PRKCG: variants seen among roughly 807,000 people sequenced by gnomAD.
PRKCG encodes protein kinase C gamma, also known as protein kinase C gamma type.
A neutral mutation model predicts 82.0 loss-of-function variants in PRKCG; 28 were observed. That is an observed-to-expected ratio of 0.34 (90% CI 0.25 to 0.47). PRKCG has a LOEUF of 0.47. PRKCG is among the 20% of genes least tolerant of loss of function. The pLI is 1.00. For synonymous variants in PRKCG, 383 were observed against 376.6 expected, an observed-to-expected ratio of 1.02 and a Z score of -0.20; for missense variants, 640 against 952.7, an observed-to-expected ratio of 0.67 and a Z score of 4.32.
At chr19:53,904,770 C>T in intron 16 of PRKCG, 28 bp downstream of exon 16, 6 of 1,570,898 alleles carry the variant, frequency 3.8e-6, no homozygotes, top group Non-Finnish European at 5.2e-6. Context: ...CCCAGCTTCT[C>T]CAGGCTCACA....
rs1192949516 is a variant in PRKCG at position 53,882,238 on chromosome 19, G to A, written c.-257G>A. 1 of 534,788 alleles carries A rather than the reference G, an allele frequency of 1.9e-6. No homozygotes were observed. The highest frequency in any genetic ancestry group is 3.0e-5 in the Admixed American group (1 of 32,932). The allele number at this position is 534,788 out of a possible 1,614,324, so 33.1% of individuals were successfully genotyped here. ...CGGAGCTGGAGCTCCCACCGCCGCC[G>A]CCCGTGCCTCCGGCTGCCGGCGCCC... On this transcript the variant is annotated 5_prime_UTR_variant, in exon 1 of 18. Transcript: ENST00000263431. The surrounding 1 kb of genome is among the most constrained non-coding windows in gnomAD (Gnocchi z 6.1).
In PRKCG at chr19:53,892,898, C is replaced by T. The variant is rs1167271598; in HGVS notation, c.822-90C>T. On this transcript the variant is annotated intron_variant, in intron 7 of 17. Coordinates refer to ENST00000263431, the MANE Select transcript of PRKCG (RefSeq NM_002739.5). The surrounding 1 kb of genome is among the most constrained non-coding windows in gnomAD (Gnocchi z 5.9). Reference sequence around the variant, plus strand: ...CTCTTCCATCTCTGTGTCCGTCTCTCTGTGTCTCTTTCCTCCCTTCCAATG... The same window carrying T: ...CTCTTCCATCTCTGTGTCCGTCTCTTTGTGTCTCTTTCCTCCCTTCCAATG... 7.9e-7 allele frequency: 1 copy of T among 1,272,538 alleles called. No homozygotes were observed. The highest frequency in any genetic ancestry group is 1.5e-5 in the African/African-American group (1 of 68,044). 78.8% of individuals were successfully genotyped at this position (1,272,538 alleles called of 1,614,324 possible).
chr19:53,890,104 A>AC, intron 5 of PRKCG, 87 bp downstream of exon 5: 1 of 1,408,298 alleles, frequency 7.1e-7, no homozygotes, highest in Non-Finnish European at 9.7e-7. Flanking sequence ...GCCCAGCCCT[A>AC]CCCCAAAGAT....
chr19:53,901,499 A>C (rs1343904880), intron 14 of PRKCG, among the ~76,000 whole-genome samples: 1 of 133,836 alleles, frequency 7.5e-6, no homozygotes, highest in African/African-American at 2.9e-5. Context: ...AGCTGAGATC[A>C]CACCACTGCA....
chr19:53,890,046 G>A lies in PRKCG; in HGVS notation c.529+29G>A, dbSNP rs73599970. On this transcript the variant is annotated intron_variant, in intron 5 of 17. Coordinates refer to ENST00000263431, the MANE Select transcript of PRKCG (RefSeq NM_002739.5). ...AGGCCCCGCCCCCTCGCCTGGCCCC[G>A]CCCCCTCCCCAAGTGTGAGGCGGGG... 14,870 of 1,536,656 alleles carry A rather than the reference G, an allele frequency of 9.7e-3. 827 individuals carry two copies. The African/African-American group carries it at 0.15, about 16-fold the overall frequency.
At chr19:53,891,522 T>G in intron 5 of PRKCG, 152 bp from the exon 6 acceptor site, 1 of 861,768 alleles carries the variant, frequency 1.2e-6, no homozygotes, top group Non-Finnish European at 1.9e-6. Context: ...GACCTTGTGA[T>G]CCGCCCGCCT....
intron 3 of PRKCG, among the ~76,000 whole-genome samples, chr19:53,888,282 A>G (rs756495464): frequency 4.6e-5 from 7 of 152,182 alleles, no homozygotes; most frequent in Non-Finnish European, 8.8e-5. Flanking sequence ...ACTAACATAG[A>G]TGAAAATCCA....
Position 53,883,088 on chromosome 19 carries a change from G to A in PRKCG, c.171-75G>A. The A allele has an allele frequency of 6.4e-7, 1 of 1,569,762 alleles. No homozygotes were observed. The highest frequency in any genetic ancestry group is 1.7e-5 in the Admixed American group (1 of 59,950). On this transcript the variant is annotated intron_variant, in intron 1 of 17. Coordinates refer to ENST00000263431, the MANE Select transcript of PRKCG (RefSeq NM_002739.5). The surrounding 1 kb of genome is among the most constrained non-coding windows in gnomAD (Gnocchi z 5.4). ...GCGGGAGGAGGGTCAGAGAGCGCAG[G>A]CCCCCTGTGGCTCGCAGAGGTTGGG...
In PRKCG at chr19:53,882,563, G is replaced by C. The variant is rs770173542; in HGVS notation, c.69G>C (p.Gly23=). 6.2e-6 allele frequency: 10 copies of C among 1,613,994 alleles called. No individual in the cohort carries two copies. Among genetic ancestry groups the C allele is most frequent in the Non-Finnish European group, 6.8e-6 (8 of 1,180,012 alleles). ...GGPRPLFCRK[G]ALRQKVVHEV... ...CCCGGCCCCTGTTTTGCAGAAAGGGGGCCCTGAGGCAGAAGGTGGTCCACG... is the reference window on the plus strand; with the variant it reads ...CCCGGCCCCTGTTTTGCAGAAAGGGCGCCCTGAGGCAGAAGGTGGTCCACG... Residue 23 remains glycine (G), a synonymous_variant, in exon 1 of 18, where the codon GGG becomes GGC. Transcript: ENST00000263431. The surrounding 1 kb of genome is among the most constrained non-coding windows in gnomAD (Gnocchi z 6.1).
At chr19:53,897,353 G>A (rs907741981) in intron 9 of PRKCG, among the ~76,000 whole-genome samples, 7 of 152,178 alleles carry the variant, frequency 4.6e-5, no homozygotes, top group Non-Finnish European at 1.0e-4. Context: ...CCTCCCTGGG[G>A]GGCCGAGGCA....
rs916555458 is a variant in PRKCG at position 53,904,554 on chromosome 19, G to A, written c.1657-81G>A. 24 of 1,234,680 alleles carry A rather than the reference G, an allele frequency of 1.9e-5. No individual in the cohort carries two copies. The East Asian group carries it at 2.0e-4, about 10-fold the overall frequency. 76.5% of individuals were successfully genotyped at this position (1,234,680 alleles called of 1,614,324 possible). On this transcript the variant is annotated intron_variant, in intron 15 of 17. Coordinates refer to ENST00000263431, the MANE Select transcript of PRKCG (RefSeq NM_002739.5). ...CGTGTGATGGGTCAGGCATGTTCCC[G>A]GTGGGGTGAGGAGGGTGTGGAAGGT...
At position 53,893,067 on chromosome 19, in the gene PRKCG, A is replaced by T. The variant is rs1282635707; in HGVS notation, c.901A>T (p.Lys301Ter). ...ADADNCSLLQ[K>*]FEACNYPLEL... is the part of the protein sequence containing the mutation. ...TGCTGACAACTGCAGCCTCCTCCAGAAGTTTGAGGTACCCAGACCCTGGCT... is the reference window on the plus strand; with the variant it reads ...TGCTGACAACTGCAGCCTCCTCCAGTAGTTTGAGGTACCCAGACCCTGGCT... The change falls in exon 8 of 18, where the codon AAG becomes TAG. Residue 301 changes from lysine to a stop codon, truncating the protein, a stop_gained. Coordinates refer to ENST00000263431, the MANE Select transcript of PRKCG (RefSeq NM_002739.5). LOFTEE classifies it high-confidence loss of function. The T allele has an allele frequency of 6.2e-7, 1 of 1,613,500 alleles. No homozygotes were observed. The highest frequency in any genetic ancestry group is 1.7e-5 in the Admixed American group (1 of 59,946).
At chr19:53,888,889 T>C (rs2068650770) in intron 3 of PRKCG, among the ~76,000 whole-genome samples, 1 of 152,122 alleles carries the variant, frequency 6.6e-6, no homozygotes, top group East Asian at 1.9e-4. Context: ...GCCTCCTTCA[T>C]GTTCTGCCCA....
At position 53,892,414 on chromosome 19, in the gene PRKCG, T is replaced by A; in HGVS notation, c.687-95T>A. ...GACAAAGCAGGAGAGGAGCCCCAGC[T>A]GGCTGGGTTTGCCCCCACCTCCAGC... On this transcript the variant is annotated intron_variant, in intron 6 of 17. Coordinates refer to ENST00000263431, the MANE Select transcript of PRKCG (RefSeq NM_002739.5). This position sits in a 1 kb window ranked among gnomAD's most constrained non-coding sequence, Gnocchi z 5.9. The A allele has an allele frequency of 1.3e-6, 2 of 1,532,138 alleles. No individual in the cohort carries two copies. The highest frequency in any genetic ancestry group is 8.8e-7 in the Non-Finnish European group (1 of 1,139,946). 94.9% of individuals were successfully genotyped at this position (1,532,138 alleles called of 1,614,324 possible). A position where few individuals can be genotyped will look rare whatever the true frequency, so the allele number is the denominator to read the frequency against.
intron 9 of PRKCG, among the ~76,000 whole-genome samples, chr19:53,894,737 G>A (rs2068705736): frequency 6.6e-6 from 1 of 152,234 alleles, no homozygotes; most frequent in African/African-American, 2.4e-5. Flanking sequence ...TGAGATTAGA[G>A]GCGTGAGCGA....
rs970566965 is a variant in PRKCG, at chr19:53,889,236, G to C, written c.286-402G>C. Among the ~76,000 whole-genome samples, 2 of 152,088 alleles carry C rather than the reference G, an allele frequency of 1.3e-5. No individual in the cohort carries two copies. The highest frequency in any genetic ancestry group is 3.9e-4 in the East Asian group (2 of 5,180). Reference sequence around the variant, plus strand: ...CCCAAAGTGCTGGGATTACAGGCATGAGCCACCGCACCCAGCCAGGACCAC... The same window carrying C: ...CCCAAAGTGCTGGGATTACAGGCATCAGCCACCGCACCCAGCCAGGACCAC... On this transcript the variant is annotated intron_variant, in intron 3 of 17. Coordinates refer to ENST00000263431, the MANE Select transcript of PRKCG (RefSeq NM_002739.5). The surrounding 1 kb of genome is among the most constrained non-coding windows in gnomAD (Gnocchi z 4.4).
At chr19:53,893,103 A>C in intron 8 of PRKCG, 28 bp downstream of exon 8, 1 of 1,590,118 alleles carries the variant, frequency 6.3e-7, no homozygotes, top group Non-Finnish European at 8.6e-7. Context: ...TCCTCAAGGG[A>C]GCCCAGCCCA....
rs775882143 is a variant in PRKCG, at chr19:53,897,968, A to T, written c.949A>T (p.Met317Leu). ...YPLELYERVR[M>L]GPSSSPIPSP... ...TTTCTCCTTTCCACAGCGGGTGCGG[A>T]TGGGCCCCTCTTCCTCTCCCATCCC... The change falls in exon 10 of 18, where the codon ATG becomes TTG. Residue 317 changes from methionine to leucine, a missense_variant. Coordinates refer to ENST00000263431, the MANE Select transcript of PRKCG (RefSeq NM_002739.5). 1 of 1,613,670 alleles carries T rather than the reference A, an allele frequency of 6.2e-7. No individual in the cohort carries two copies. Among genetic ancestry groups the T allele is most frequent in the African/African-American group, 1.3e-5 (1 of 74,792 alleles).
intron 9 of PRKCG, among the ~76,000 whole-genome samples, chr19:53,895,443 G>A (rs912137861): frequency 2.8e-5 from 4 of 140,478 alleles, no homozygotes; most frequent in Admixed American, 7.7e-5. Context: ...AGCCCAGATC[G>A]CTCCACTGCA....
Sources: gnomAD v4.1 joint callset for allele counts (sites outside exome capture counted in the v4.1 genomes callset) on GRCh38, gnomAD v4.1.1 for gene constraint, Gnocchi (gnomAD v3.1) non-coding constraint, MANE v1.5 for transcripts, NCBI Gene and HGNC (gene_info 2026-07-23, HGNC 2026-07-21) for gene names.